Variants in BRIP1 observed in about 807,000 individuals in gnomAD.
BRIP1 encodes the protein BRCA1 interacting DNA helicase 1, also known as Fanconi anemia group J protein.
In BRIP1, 88 loss-of-function variants were observed where a neutral mutation model predicts 119.7. The observed-to-expected ratio is 0.74, with a 90% CI of 0.62 to 0.88. The LOEUF (loss-of-function observed/expected upper bound fraction) is 0.88, where lower values mean the gene tolerates loss of function less well. Among genes scored for constraint, BRIP1 ranks in the 40% least tolerant of loss-of-function variants. The pLI is 0.00. For missense variants in BRIP1, 1,259 were observed against 1,455.4 expected, an observed-to-expected ratio of 0.87 and a Z score of 2.20; for synonymous variants, 443 against 496.5, an observed-to-expected ratio of 0.89 and a Z score of 1.43.
chr17:61,857,134 G>T lies in BRIP1; in HGVS notation c.303C>A (p.Asn101Lys), dbSNP rs1425170841. ...HSKDFTNNDM[N>K]QGTSRHFNYP... ...AGTTGAAATGACGTGAAGTTCCTTG[G>T]TTCATGTCATTGTTTGTAAAATCCT... Residue 101 changes from asparagine to lysine, a missense_variant, in exon 4 of 20, where the codon AAC becomes AAA. Asn to Lys is a moderately conservative substitution (Grantham distance 94). Coordinates refer to ENST00000259008, the MANE Select transcript of BRIP1 (RefSeq NM_032043.3). The surrounding 1 kb of genome is among the most constrained non-coding windows in gnomAD (Gnocchi z 5.1). The T allele has an allele frequency of 6.2e-7, 1 of 1,613,978 alleles. No homozygotes were observed. Among genetic ancestry groups the T allele is most frequent in the African/African-American group, 1.3e-5 (1 of 75,026 alleles).
rs112954239 is a variant in BRIP1, at chr17:61,804,297, T to C, written c.919-2823A>G. On this transcript the variant is annotated intron_variant, in intron 7 of 19. Coordinates refer to ENST00000259008, the MANE Select transcript of BRIP1 (RefSeq NM_032043.3). The surrounding 1 kb of genome is among the most constrained non-coding windows in gnomAD (Gnocchi z 4.5). ...ATTCTACTATTTATTTTAAAACGAT[T>C]TTGAAATAAAAATATTTATTTTTCC... Among the ~76,000 whole-genome samples, 12 of 152,246 alleles carry C rather than the reference T, an allele frequency of 7.9e-5. No homozygotes were observed. The highest frequency in any genetic ancestry group is 2.9e-4 in the African/African-American group (12 of 41,548).
At chr17:61,792,279 T>C (rs2077830415) in intron 10 of BRIP1, among the ~76,000 whole-genome samples, 1 of 152,202 alleles carries the variant, frequency 6.6e-6, no homozygotes, top group Admixed American at 6.5e-5. Flanking sequence ...TTTAGCAGTT[T>C]CTTGCAAAGC....
At position 61,753,944 on chromosome 17, in the gene BRIP1, A is replaced by T. The variant is rs1395039967; in HGVS notation, c.2098-9353T>A. 6.6e-6 allele frequency among the ~76,000 whole-genome samples: 1 copy of T among 152,122 alleles called. No individual in the cohort carries two copies. Among genetic ancestry groups the T allele is most frequent in the Admixed American group, 6.6e-5 (1 of 15,264 alleles). Reference sequence around the variant, plus strand: ...TCTACTACTGCTCATCCAATTCATCAGCAAATCCTGCCAGCACTACTTTTA... The same window carrying T: ...TCTACTACTGCTCATCCAATTCATCTGCAAATCCTGCCAGCACTACTTTTA... On this transcript the variant is annotated intron_variant, in intron 14 of 19. Transcript: ENST00000259008. This position sits in a 1 kb window ranked among gnomAD's most constrained non-coding sequence, Gnocchi z 4.6.
chr17:61,682,480 T>C lies in BRIP1; in HGVS notation c.*816A>G. ...GACATGTTTGGTTTTAGGTTTATTA[T>C]ACAAAGAATGTAAAACAATTTCAAT... On this transcript the variant is annotated 3_prime_UTR_variant, in exon 20 of 20. Coordinates refer to ENST00000259008, the MANE Select transcript of BRIP1 (RefSeq NM_032043.3). The surrounding 1 kb of genome is among the most constrained non-coding windows in gnomAD (Gnocchi z 4.9). The C allele has an allele frequency of 9.9e-6, 2 of 202,214 alleles. No individual in the cohort carries two copies. The highest frequency in any genetic ancestry group is 2.0e-5 in the Non-Finnish European group (2 of 98,386). The allele number at this position is 202,214 out of a possible 1,614,324, so 12.5% of individuals were successfully genotyped here.
chr17:61,696,622 T>G (rs565961608), intron 17 of BRIP1, among the ~76,000 whole-genome samples: 54 of 150,602 alleles, frequency 3.6e-4, no homozygotes, highest in Non-Finnish European at 6.8e-4. Context: ...GAGGTAGAGG[T>G]TGCAGTGAGC....
chr17:61,690,868 A>G lies in BRIP1; in HGVS notation c.2575+2562T>C, dbSNP rs1287848233. Reference sequence around the variant, plus strand: ...AGAATACAAAAATCAATGTACAACAATCACTTGCAATTCTATACACTAAAA... The same window carrying G: ...AGAATACAAAAATCAATGTACAACAGTCACTTGCAATTCTATACACTAAAA... On this transcript the variant is annotated intron_variant, in intron 18 of 19. Transcript: ENST00000259008. This position sits in a 1 kb window ranked among gnomAD's most constrained non-coding sequence, Gnocchi z 5.6. 6.6e-6 allele frequency among the ~76,000 whole-genome samples: 1 copy of G among 152,226 alleles called. No homozygotes were observed. Among genetic ancestry groups the G allele is most frequent in the African/African-American group, 2.4e-5 (1 of 41,470 alleles).
Position 61,857,148 on chromosome 17 carries a change from T to G in BRIP1, c.289A>C (p.Asn97His). 1 of 1,614,122 alleles carries G rather than the reference T, an allele frequency of 6.2e-7. No individual in the cohort carries two copies. Among genetic ancestry groups the G allele is most frequent in the Non-Finnish European group, 8.5e-7 (1 of 1,179,974 alleles). ...GAAGTTCCTTGGTTCATGTCATTGT[T>G]TGTAAAATCCTTTGAATGGCATGCA... ...CCACHSKDFT[N>H]NDMNQGTSRH... is the part of the protein sequence containing the mutation. The change falls in exon 4 of 20, where the codon AAC (asparagine) becomes CAC (histidine). Residue 97 changes from asparagine (N) to histidine (H), a missense_variant. Asn to His is a moderately conservative substitution (Grantham distance 68). Coordinates refer to ENST00000259008, the MANE Select transcript of BRIP1 (RefSeq NM_032043.3). The surrounding 1 kb of genome is among the most constrained non-coding windows in gnomAD (Gnocchi z 5.1).
chr17:61,728,743 T>C (rs966520430), intron 16 of BRIP1, among the ~76,000 whole-genome samples: 2 of 152,144 alleles, frequency 1.3e-5, no homozygotes, highest in African/African-American at 4.8e-5. Context: ...TATTGGATGA[T>C]AGCAGGATAT....
intron 6 of BRIP1, among the ~76,000 whole-genome samples, chr17:61,835,804 T>C (rs930953882): frequency 6.6e-6 from 1 of 152,106 alleles, no homozygotes; most frequent in Non-Finnish European, 1.5e-5. Flanking sequence ...AATGATTAAG[T>C]GACACTGGGA....
rs983400966 is a variant in BRIP1 at position 61,827,834 on chromosome 17, A to C, written c.628-19077T>G. Among the ~76,000 whole-genome samples the C allele has an allele frequency of 6.6e-6, 1 of 152,356 alleles. No homozygotes were observed. Among genetic ancestry groups the C allele is most frequent in the Admixed American group, 6.5e-5 (1 of 15,306 alleles). On this transcript the variant is annotated intron_variant, in intron 6 of 19. Coordinates refer to ENST00000259008, the MANE Select transcript of BRIP1 (RefSeq NM_032043.3). The surrounding 1 kb of genome is among the most constrained non-coding windows in gnomAD (Gnocchi z 5.8). ...ACATCACTAATCATTAGGGAAATGC[A>C]AATCAAAAACACAAGATACCACTTC...
chr17:61,795,958 TG>T lies in BRIP1; in HGVS notation c.1341-2230del, dbSNP rs1158295125. Among the ~76,000 whole-genome samples, 2 of 152,120 alleles carry T rather than the reference TG, an allele frequency of 1.3e-5. No individual in the cohort carries two copies. The highest frequency in any genetic ancestry group is 2.9e-5 in the Non-Finnish European group (2 of 67,984). On this transcript the variant is annotated intron_variant, in intron 9 of 19. Coordinates refer to ENST00000259008, the MANE Select transcript of BRIP1 (RefSeq NM_032043.3). The surrounding 1 kb of genome is among the most constrained non-coding windows in gnomAD (Gnocchi z 5.6). ...TGCATAAAAGTCATTTTAACTGGGG[TG>T]AGGTGATATCTCATTGTAGTTTTGA... is the stretch of plus-strand genomic sequence containing the variant.
Position 61,799,653 on chromosome 17 carries a change from C to T in BRIP1, c.1141-354G>A, listed in dbSNP as rs919813470. On this transcript the variant is annotated intron_variant, in intron 8 of 19. Transcript: ENST00000259008. The surrounding 1 kb of genome is among the most constrained non-coding windows in gnomAD (Gnocchi z 5.1). ...TAATTTTACAAACTAATTATAAGAC[C>T]TTTAAAAATAAAATAACAATATAAG... 6.6e-6 allele frequency among the ~76,000 whole-genome samples: 1 copy of T among 151,886 alleles called. No homozygotes were observed. Among genetic ancestry groups the T allele is most frequent in the African/African-American group, 2.4e-5 (1 of 41,346 alleles).
At chr17:61,781,110 T>C in intron 11 of BRIP1, 105 bp from the exon 12 acceptor site, 1 of 1,025,062 alleles carries the variant, frequency 9.8e-7, no homozygotes, top group Non-Finnish European at 1.5e-6. Flanking sequence ...TTGAAAGAGC[T>C]GGTACCTTCC....
At position 61,784,346 on chromosome 17, in the gene BRIP1, C is replaced by CCTGT. The variant is rs1184192944; in HGVS notation, c.1551_1552insACAG (p.Val518ThrfsTer4). ...ATTATTTGAGTTGATGCACTAATAA[C>CCTGT]AGGTACTTCTCTTGCCTCCTCTTTA... On this transcript the variant is annotated frameshift_variant, in exon 11 of 20. Coordinates refer to ENST00000259008, the MANE Select transcript of BRIP1 (RefSeq NM_032043.3). LOFTEE classifies it high-confidence loss of function. The CCTGT allele has an allele frequency of 6.2e-7, 1 of 1,612,972 alleles. No individual in the cohort carries two copies. Among genetic ancestry groups the CCTGT allele is most frequent in the Non-Finnish European group, 8.5e-7 (1 of 1,179,182 alleles).
At position 61,857,062 on chromosome 17, in the gene BRIP1, A is replaced by G; in HGVS notation, c.375T>C (p.Cys125=). 2 of 1,613,900 alleles carry G rather than the reference A, an allele frequency of 1.2e-6. No individual in the cohort carries two copies. The highest frequency in any genetic ancestry group is 1.7e-6 in the Non-Finnish European group (2 of 1,179,792). ...PSERNGTSST[C]QDSPEKTTLA... is the part of the protein sequence containing the mutation. ...CCCAGGCAAAATATAAATTACCTTG[A>G]CAAGTTGATGAAGTGCCATTTCTTT... is the stretch of plus-strand genomic sequence containing the variant. Residue 125 remains cysteine (C), a synonymous_variant, in exon 4 of 20, where the codon TGT becomes TGC. Transcript: ENST00000259008. The surrounding 1 kb of genome is among the most constrained non-coding windows in gnomAD (Gnocchi z 5.1).
At chr17:61,763,452 C>T (rs1017710880) in intron 14 of BRIP1, among the ~76,000 whole-genome samples, 1 of 152,110 alleles carries the variant, frequency 6.6e-6, no homozygotes, top group Non-Finnish European at 1.5e-5. Flanking sequence ...TCTGTAGAAT[C>T]TTTTCCTTGA....
At chr17:61,820,219 G>A (rs1013504153) in intron 6 of BRIP1, among the ~76,000 whole-genome samples, 1 of 152,068 alleles carries the variant, frequency 6.6e-6, no homozygotes, top group African/African-American at 2.4e-5. Context: ...CTGAAACCAC[G>A]AGACTTCCAG....
In BRIP1 at chr17:61,738,568, CT is replaced by C. The variant is rs1040475455; in HGVS notation, c.2379+4444del. Reference sequence around the variant, plus strand: ...AATGTCAGAGTAGGCCATCAGGTGTCTTTTTTGCATGACAGACTGAGATATT... The same window carrying C: ...AATGTCAGAGTAGGCCATCAGGTGTCTTTTTGCATGACAGACTGAGATATT... On this transcript the variant is annotated intron_variant, in intron 16 of 19. Transcript: ENST00000259008. This position sits in a 1 kb window ranked among gnomAD's most constrained non-coding sequence, Gnocchi z 4.2. 3.9e-5 allele frequency among the ~76,000 whole-genome samples: 6 copies of C among 152,010 alleles called. No individual in the cohort carries two copies. Among genetic ancestry groups the C allele is most frequent in the Admixed American group, 6.6e-5 (1 of 15,254 alleles).
At position 61,680,964 on chromosome 17, in the gene BRIP1, A is replaced by G. The variant is rs898032415; in HGVS notation, c.*2332T>C. On this transcript the variant is annotated 3_prime_UTR_variant, in exon 20 of 20. Transcript: ENST00000259008. ...AGGTTTAATTGACTCACAGTTCTGCATGACTGAGGAGGCCTCAAGAAACTT... is the reference window on the plus strand; with the variant it reads ...AGGTTTAATTGACTCACAGTTCTGCGTGACTGAGGAGGCCTCAAGAAACTT... 6.6e-6 allele frequency among the ~76,000 whole-genome samples: 1 copy of G among 152,224 alleles called. No homozygotes were observed. Among genetic ancestry groups the G allele is most frequent in the African/African-American group, 2.4e-5 (1 of 41,470 alleles).
Sources: gnomAD v4.1 joint callset for allele counts (sites outside exome capture counted in the v4.1 genomes callset) on GRCh38, gnomAD v4.1.1 for gene constraint, Gnocchi (gnomAD v3.1) non-coding constraint, MANE v1.5 for transcripts, NCBI Gene and HGNC (gene_info 2026-07-23, HGNC 2026-07-21) for gene names.